KDM4B: variants seen among roughly 807,000 people sequenced by gnomAD.
KDM4B encodes lysine-specific demethylase 4B.
In KDM4B, 32 loss-of-function variants were observed where a neutral mutation model predicts 125.2. That is an observed-to-expected ratio of 0.26 (90% CI 0.19 to 0.34). The LOEUF (loss-of-function observed/expected upper bound fraction) is 0.34, where lower values mean the gene tolerates loss of function less well. Ranked by LOEUF, KDM4B falls within the 10% of genes least tolerant of loss-of-function variation. The pLI is 1.00. For missense variants in KDM4B, 1,190 were observed against 1,577.7 expected (o/e 0.75, Z 4.16); for synonymous variants, 721 against 677.9 (o/e 1.06, Z -0.99).
Position 5,082,650 on chromosome 19 carries a change from C to A in KDM4B, c.918+146C>A. 1.1e-6 allele frequency: 1 copy of A among 896,790 alleles called. No individual in the cohort carries two copies. The highest frequency in any genetic ancestry group is 3.2e-5 in the Admixed American group (1 of 31,196). 55.6% of individuals were successfully genotyped at this position (896,790 alleles called of 1,614,324 possible). On this transcript the variant is annotated intron_variant, in intron 9 of 22. Transcript: ENST00000159111. This position sits in a 1 kb window ranked among gnomAD's most constrained non-coding sequence, Gnocchi z 5.4. ...CTCAACCAGGGTCTGATTCTGGGCT[C>A]CTCAGAGAGCTTTTGCCCAGAACGC...
chr19:4,989,440 C>A (rs143031863), intron 1 of KDM4B, among the ~76,000 whole-genome samples: 2 of 151,942 alleles, frequency 1.3e-5, no homozygotes, highest in African/African-American at 4.8e-5. Context: ...CAGGTTCAAG[C>A]GATTCTCCTG....
intron 3 of KDM4B, among the ~76,000 whole-genome samples, chr19:5,036,201 CTGTGTG>C (rs2036620904): frequency 6.6e-6 from 1 of 151,698 alleles, no homozygotes; most frequent in Non-Finnish European, 1.5e-5. Context: ...GCCTTGACCA[CTGTGTG>C]TGTGCGTGCA....
At position 5,082,553 on chromosome 19, in the gene KDM4B, T is replaced by C; in HGVS notation, c.918+49T>C. 1.3e-6 allele frequency: 2 copies of C among 1,529,562 alleles called. No individual in the cohort carries two copies. The highest frequency in any genetic ancestry group is 8.7e-7 in the Non-Finnish European group (1 of 1,143,486). The allele number at this position is 1,529,562 out of a possible 1,614,324, so 94.7% of individuals were successfully genotyped here. A position where few individuals can be genotyped will look rare whatever the true frequency, so the allele number is the denominator to read the frequency against. ...GGGTCCCAGCAGGGCGGGAGGAGGC[T>C]CTTTTTTGCCTCTGCAGCCACACGC... On this transcript the variant is annotated intron_variant, in intron 9 of 22. Coordinates refer to ENST00000159111, the MANE Select transcript of KDM4B (RefSeq NM_015015.3). The surrounding 1 kb of genome is among the most constrained non-coding windows in gnomAD (Gnocchi z 5.4).
chr19:5,013,995 A>G (rs921379800), intron 1 of KDM4B, among the ~76,000 whole-genome samples: 3 of 152,234 alleles, frequency 2.0e-5, no homozygotes, highest in African/African-American at 7.2e-5. Flanking sequence ...CCGGCAGTCC[A>G]GGACCTGCTG....
At chr19:5,090,051 C>T (rs565925233) in intron 9 of KDM4B, among the ~76,000 whole-genome samples, 72 of 152,260 alleles carry the variant, frequency 4.7e-4, no homozygotes, top group Non-Finnish European at 7.9e-4. Flanking sequence ...GTGAAGACCC[C>T]CAAAGCCTGG....
chr19:5,032,046 C>A (rs1328867091), intron 2 of KDM4B, among the ~76,000 whole-genome samples: 1 of 152,222 alleles, frequency 6.6e-6, no homozygotes, highest in Non-Finnish European at 1.5e-5. Context: ...CCAAGGAGGA[C>A]CCTTCCCCAG....
intron 18 of KDM4B, 57 bp downstream of exon 18, chr19:5,138,127 C>A: frequency 7.5e-7 from 1 of 1,339,550 alleles, no homozygotes. Context: ...GCCGGCCATG[C>A]TCGGCTCCCC....
At chr19:5,119,066 G>C in intron 10 of KDM4B, 1 of 1,158,274 alleles carries the variant, frequency 8.6e-7, no homozygotes, top group Non-Finnish European at 1.2e-6. Flanking sequence ...CAGGCGTCCT[G>C]GGGAGTTGAG....
intron 9 of KDM4B, among the ~76,000 whole-genome samples, chr19:5,105,914 C>T (rs2039024802): frequency 6.6e-6 from 1 of 152,210 alleles, no homozygotes; most frequent in Non-Finnish European, 1.5e-5. Context: ...AAGTGGCAGG[C>T]CAGATGTGGC....
At chr19:4,983,944 A>G (rs867711877) in intron 1 of KDM4B, among the ~76,000 whole-genome samples, 10 of 152,238 alleles carry the variant, frequency 6.6e-5, no homozygotes, top group African/African-American at 2.2e-4. Flanking sequence ...TCCCGCTTCA[A>G]GGCTGGGTGA....
At chr19:5,121,419 T>C (rs1268623021) in intron 11 of KDM4B, among the ~76,000 whole-genome samples, 1 of 152,204 alleles carries the variant, frequency 6.6e-6, no homozygotes, top group Non-Finnish European at 1.5e-5. Flanking sequence ...ACTGTTATTA[T>C]GTAGCGACAA....
chr19:5,033,751 T>C (rs1481379366), intron 3 of KDM4B, among the ~76,000 whole-genome samples: 2 of 151,132 alleles, frequency 1.3e-5, no homozygotes, highest in Non-Finnish European at 3.0e-5. Flanking sequence ...TTGGTTCTTC[T>C]CTCTCTCTCT....
At chr19:5,150,654 G>A (rs978674241) in intron 22 of KDM4B, among the ~76,000 whole-genome samples, 3 of 152,142 alleles carry the variant, frequency 2.0e-5, no homozygotes, top group Non-Finnish European at 1.5e-5. Flanking sequence ...TCCTGGTGCC[G>A]CAGCTCCTGG....
chr19:4,975,218 C>T (rs1037907168), intron 1 of KDM4B, among the ~76,000 whole-genome samples: 2 of 152,202 alleles, frequency 1.3e-5, no homozygotes, highest in African/African-American at 4.8e-5. Context: ...CATCTCTGTC[C>T]AGACCACTCT....
intron 6 of KDM4B, among the ~76,000 whole-genome samples, chr19:5,053,616 G>C (rs948060267): frequency 6.6e-6 from 1 of 152,222 alleles, no homozygotes; most frequent in Non-Finnish European, 1.5e-5. Flanking sequence ...ATGGTCCCTG[G>C]GAGCCGTATC....
intron 1 of KDM4B, among the ~76,000 whole-genome samples, chr19:4,999,299 C>T (rs2035295865): frequency 6.6e-6 from 1 of 152,120 alleles, no homozygotes; most frequent in Non-Finnish European, 1.5e-5. Context: ...CACATTTTTC[C>T]AGAAAGAGCC....
rs145199055 is a variant in KDM4B, at chr19:5,066,229, G to T, written c.627-4781G>T. ...TGCCTTTCTTGGGTGGCAGTAAAGT[G>T]TAACGTTGGTGACATTCACTACTCA... is the stretch of plus-strand genomic sequence containing the variant. On this transcript the variant is annotated intron_variant, in intron 6 of 22. Coordinates refer to ENST00000159111, the MANE Select transcript of KDM4B (RefSeq NM_015015.3). Among the ~76,000 whole-genome samples the T allele has an allele frequency of 4.7e-3, 710 of 152,326 alleles. 6 individuals carry two copies. The highest frequency in any genetic ancestry group is 0.017 in the African/African-American group (686 of 41,564).
At chr19:5,023,473 G>C (rs899510451) in intron 2 of KDM4B, among the ~76,000 whole-genome samples, 1 of 152,204 alleles carries the variant, frequency 6.6e-6, no homozygotes. Context: ...CTGCATCGCG[G>C]GTTCCTCCTG....
intron 9 of KDM4B, among the ~76,000 whole-genome samples, chr19:5,090,288 A>C (rs1324699650): frequency 6.6e-6 from 1 of 151,390 alleles, no homozygotes; most frequent in Non-Finnish European, 1.5e-5. Flanking sequence ...CTTAGGGTGC[A>C]GTACCCGGTT....
Sources: allele counts gnomAD v4.1 joint callset (sites outside exome capture counted in the v4.1 genomes callset), GRCh38; gene constraint gnomAD v4.1.1; non-coding constraint Gnocchi (gnomAD v3.1); transcripts MANE v1.5; gene names NCBI Gene and HGNC (gene_info 2026-07-23, HGNC 2026-07-21).